Variants in TBC1D23 observed in about 807,000 individuals in gnomAD.
The protein encoded by TBC1D23 is HCV non-structural protein 4A-transactivated protein 1.
A neutral mutation model predicts 91.4 loss-of-function variants in TBC1D23; 55 were observed. That is an observed-to-expected ratio of 0.60 (90% CI 0.48 to 0.75). The LOEUF is 0.75. Ranked by LOEUF, TBC1D23 falls within the 30% of genes least tolerant of loss-of-function variation. The probability of loss-of-function intolerance (pLI) is 0.00; values close to 1 mark genes in which losing one functional copy is unlikely to be tolerated. For synonymous variants in TBC1D23, 289 were observed against 281.0 expected (o/e 1.03, Z -0.28); for missense variants, 725 against 836.1 (o/e 0.87, Z 1.64).
chr3:100,273,728 T>G (rs1013470112), intron 1 of TBC1D23, among the ~76,000 whole-genome samples: 4 of 152,118 alleles, frequency 2.6e-5, no homozygotes, highest in Non-Finnish European at 5.9e-5. Flanking sequence ...CACCTACAAC[T>G]GTCTGATCTT....
Position 100,323,578 on chromosome 3 carries a change from C to A in TBC1D23, c.2019-9C>A. On this transcript the variant is annotated splice_polypyrimidine_tract_variant and intron_variant, in intron 18 of 18. Transcript: ENST00000394144. The stretch of plus-strand genomic sequence containing the variant: ...ATATGTATATATATGTATTTTTTTT[C>A]CCCCTTAGGTATTTGATTCCAAATG... 7.1e-7 allele frequency: 1 copy of A among 1,406,462 alleles called. No homozygotes were observed. The highest frequency in any genetic ancestry group is 9.4e-7 in the Non-Finnish European group (1 of 1,065,592). 87.1% of individuals were successfully genotyped at this position (1,406,462 alleles called of 1,614,324 possible).
At chr3:100,299,667 G>T (rs1705381105) in intron 10 of TBC1D23, among the ~76,000 whole-genome samples, 1 of 152,032 alleles carries the variant, frequency 6.6e-6, no homozygotes, top group South Asian at 2.1e-4. Flanking sequence ...CCACCACCAG[G>T]CCCGGCTAAT....
At chr3:100,294,373 G>C (rs76500984) in intron 5 of TBC1D23, among the ~76,000 whole-genome samples, 35,808 of 151,206 alleles carry the variant, frequency 0.24, 4,641 homozygotes, top group East Asian at 0.49. Flanking sequence ...TGATTCTCCT[G>C]CCTCAGCCTC....
chr3:100,306,643 T>C (rs1249993449), intron 13 of TBC1D23, 100 bp downstream of exon 13: 2 of 647,514 alleles, frequency 3.1e-6, no homozygotes, highest in Admixed American at 5.4e-5. Context: ...AGTCAAAACA[T>C]TTCAAACACA....
intron 11 of TBC1D23, among the ~76,000 whole-genome samples, chr3:100,304,087 G>T (rs1408822277): frequency 2.3e-5 from 2 of 87,536 alleles, no homozygotes; most frequent in Non-Finnish European, 5.2e-5. Flanking sequence ...TTTGGTTGAT[G>T]TCTTTTAAGT....
intron 7 of TBC1D23, among the ~76,000 whole-genome samples, chr3:100,295,803 A>G (rs942157140): frequency 6.6e-6 from 1 of 152,156 alleles, no homozygotes; most frequent in East Asian, 1.9e-4. Flanking sequence ...ATCTTACTGT[A>G]TTATAATGAT....
intron 10 of TBC1D23, among the ~76,000 whole-genome samples, chr3:100,300,797 G>C (rs1176239005): frequency 6.6e-6 from 1 of 152,022 alleles, no homozygotes; most frequent in Non-Finnish European, 1.5e-5. Context: ...ACCATGCCCG[G>C]CTTGAATTTT....
At chr3:100,266,901 T>G (rs2067562556) in intron 1 of TBC1D23, among the ~76,000 whole-genome samples, 1 of 152,240 alleles carries the variant, frequency 6.6e-6, no homozygotes, top group African/African-American at 2.4e-5. Flanking sequence ...ATAAAGACAG[T>G]GCCTTCTCTC....
chr3:100,264,856 A>G (rs933425415), intron 1 of TBC1D23, among the ~76,000 whole-genome samples: 4 of 152,166 alleles, frequency 2.6e-5, no homozygotes, highest in Admixed American at 2.6e-4. Flanking sequence ...TTAAACGTAC[A>G]TTGGAATTAT....
chr3:100,295,967 C>T (rs1295424716), intron 7 of TBC1D23, among the ~76,000 whole-genome samples: 1 of 152,126 alleles, frequency 6.6e-6, no homozygotes, highest in African/African-American at 2.4e-5. Flanking sequence ...ATTTGATTGC[C>T]TGACACTATC....
At chr3:100,273,406 A>G (rs1309372120) in intron 1 of TBC1D23, among the ~76,000 whole-genome samples, 1 of 152,238 alleles carries the variant, frequency 6.6e-6, no homozygotes, top group South Asian at 2.1e-4. Context: ...CTTTCTACAC[A>G]GACACAGTAA....
chr3:100,261,366 G>T, intron 1 of TBC1D23: 1 of 447,360 alleles, frequency 2.2e-6, no homozygotes. Context: ...GTGGCTTCAG[G>T]GCTGGGTTTG....
chr3:100,278,386 AT>A (rs199688288), intron 1 of TBC1D23, among the ~76,000 whole-genome samples: 1,502 of 141,326 alleles, frequency 0.011, 6 homozygotes, highest in African/African-American at 0.025. Flanking sequence ...GAATTGATTG[AT>A]TTTTTTTTTT....
chr3:100,323,465 A>AG, intron 18 of TBC1D23, 122 bp from the exon 19 acceptor site: 1 of 344,178 alleles, frequency 2.9e-6, no homozygotes, highest in Non-Finnish European at 4.9e-6. Context: ...TTTGTGGGTT[A>AG]GGGAAAGCTT....
At chr3:100,268,669 C>CAAAAGTTA (rs2067576934) in intron 1 of TBC1D23, among the ~76,000 whole-genome samples, 1 of 152,162 alleles carries the variant, frequency 6.6e-6, no homozygotes, top group South Asian at 2.1e-4. Flanking sequence ...CTATCTTAGG[C>CAAAAGTTA]AAAAGTTACA....
At chr3:100,293,128 TAC>T (rs1457629068) in intron 5 of TBC1D23, among the ~76,000 whole-genome samples, 38 of 144,254 alleles carry the variant, frequency 2.6e-4, no homozygotes, top group African/African-American at 7.9e-4. Flanking sequence ...TTTGTTTGTT[TAC>T]TTATTTATTT....
At chr3:100,283,189 A>G (rs2067709581) in intron 3 of TBC1D23, among the ~76,000 whole-genome samples, 1 of 152,198 alleles carries the variant, frequency 6.6e-6, no homozygotes, top group South Asian at 2.1e-4. Flanking sequence ...CCTGGCCAAC[A>G]TGGTGAAACC....
chr3:100,273,167 G>T (rs1041379630), intron 1 of TBC1D23, among the ~76,000 whole-genome samples: 1 of 151,692 alleles, frequency 6.6e-6, no homozygotes, highest in Admixed American at 6.6e-5. Context: ...GCAGCCTTCC[G>T]CAGTGTTTGT....
At position 100,296,278 on chromosome 3, in the gene TBC1D23, AT is replaced by A. The variant is rs1559808326; in HGVS notation, c.876+4del. 11 of 1,529,024 alleles carry A rather than the reference AT, an allele frequency of 7.2e-6. No individual in the cohort carries two copies. Among genetic ancestry groups the A allele is most frequent in the Admixed American group, 1.8e-5 (1 of 54,662 alleles). 94.7% of individuals were successfully genotyped at this position (1,529,024 alleles called of 1,614,324 possible). On this transcript the variant is annotated splice_donor_region_variant and intron_variant, in intron 8 of 18. Transcript: ENST00000394144. Reference sequence around the variant, plus strand: ...AAACACCGGCTTCTTTTAGGAAGGTATAAGACCAGAAATGACCAACTATGTT... The same window carrying A: ...AAACACCGGCTTCTTTTAGGAAGGTAAAGACCAGAAATGACCAACTATGTT...
Sources: allele counts gnomAD v4.1 joint callset (sites outside exome capture counted in the v4.1 genomes callset), GRCh38; gene constraint gnomAD v4.1.1; transcripts MANE v1.5; gene names NCBI Gene and HGNC (gene_info 2026-07-23, HGNC 2026-07-21).